Variants in NRXN1 observed in about 807,000 individuals in gnomAD.
NRXN1 encodes neurexin 1.
In NRXN1, 39 loss-of-function variants were observed where a neutral mutation model predicts 150.9. The ratio of observed to expected loss-of-function variants is 0.26; its 90% CI spans 0.20 to 0.34. The LOEUF (loss-of-function observed/expected upper bound fraction) is 0.34, where lower values mean the gene tolerates loss of function less well. Among genes scored for constraint, NRXN1 ranks in the 10% least tolerant of loss-of-function variants. The probability of loss-of-function intolerance (pLI) is 1.00; values close to 1 mark genes in which losing one functional copy is unlikely to be tolerated. For missense variants in NRXN1, 1,815 were observed against 1,949.9 expected, an observed-to-expected ratio of 0.93 and a Z score of 1.30; for synonymous variants, 924 against 757.0, an observed-to-expected ratio of 1.22 and a Z score of -3.62.
chr2:50,312,615 T>C (rs2075270762), intron 17 of NRXN1: 1 of 447,406 alleles, frequency 2.2e-6, no homozygotes. Context: ...GCTCTCATCC[T>C]ACACACATGT....
At chr2:50,795,690 T>TCTC (rs1706723899) in intron 5 of NRXN1, among the ~76,000 whole-genome samples, 2 of 152,128 alleles carry the variant, frequency 1.3e-5, no homozygotes, top group African/African-American at 4.8e-5. Context: ...GATACACAAT[T>TCTC]CTCCTCCATG....
rs371101414 is a variant in NRXN1, at chr2:50,480,529, G to T, written c.3071-8058C>A. The stretch of plus-strand genomic sequence containing the variant: ...AGAAAGACATGCATTTATTTGCTGT[G>T]TGTGTCTGTAGAACACAGAGAAGCT... On this transcript the variant is annotated intron_variant, in intron 15 of 22. Transcript: ENST00000401669. Among the ~76,000 whole-genome samples the T allele has an allele frequency of 1.2e-4, 19 of 152,254 alleles. No individual in the cohort carries two copies. The South Asian group carries it at 3.1e-3, about 25-fold the overall frequency.
chr2:50,851,442 A>G (rs1266994514), intron 5 of NRXN1, among the ~76,000 whole-genome samples: 1 of 151,960 alleles, frequency 6.6e-6, no homozygotes, highest in Non-Finnish European at 1.5e-5. Context: ...TAACCCCTGG[A>G]GTAAGTGGGG....
chr2:49,974,887 A>C (rs1325264754), intron 21 of NRXN1, among the ~76,000 whole-genome samples: 1 of 151,930 alleles, frequency 6.6e-6, no homozygotes, highest in East Asian at 1.9e-4. Context: ...CCAAAGCCTG[A>C]AGAACAAATG....
chr2:50,990,455 T>A (rs1698380476), intron 2 of NRXN1, among the ~76,000 whole-genome samples: 1 of 152,032 alleles, frequency 6.6e-6, no homozygotes, highest in Admixed American at 6.6e-5. Flanking sequence ...AGACTATGCA[T>A]AGTTAACAGT....
chr2:50,929,639 A>T (rs562668044), intron 2 of NRXN1, among the ~76,000 whole-genome samples: 82 of 152,200 alleles, frequency 5.4e-4, no homozygotes, highest in African/African-American at 1.9e-3. Context: ...TGGTGGTGGT[A>T]ACAGGCAGTG....
At chr2:50,132,994 T>C (rs1198195498) in intron 18 of NRXN1, among the ~76,000 whole-genome samples, 2 of 152,124 alleles carry the variant, frequency 1.3e-5, no homozygotes, top group Non-Finnish European at 2.9e-5. Flanking sequence ...AACATTATAC[T>C]TCGTTTGGGT....
At chr2:50,864,827 T>C (rs990891511) in intron 5 of NRXN1, among the ~76,000 whole-genome samples, 2 of 151,978 alleles carry the variant, frequency 1.3e-5, no homozygotes, top group African/African-American at 4.8e-5. Flanking sequence ...GGTTTTCAGG[T>C]ATCAAGAAGC....
chr2:50,131,315 C>A (rs1705458228), intron 18 of NRXN1, among the ~76,000 whole-genome samples: 1 of 152,092 alleles, frequency 6.6e-6, no homozygotes, highest in African/African-American at 2.4e-5. Flanking sequence ...GTTTGAATAC[C>A]ATTGATAAAA....
chr2:50,247,670 A>G (rs1345761722), intron 17 of NRXN1, among the ~76,000 whole-genome samples: 2 of 152,170 alleles, frequency 1.3e-5, no homozygotes, highest in African/African-American at 4.8e-5. Flanking sequence ...AGGGCAGGAA[A>G]CAGAGAAAGA....
intron 21 of NRXN1, chr2:50,023,425 G>C (rs1246205721): frequency 6.6e-6 from 1 of 151,958 alleles, no homozygotes; most frequent in East Asian, 1.9e-4. Flanking sequence ...TAAGAGCCTG[G>C]TGTCATTTTT....
At chr2:50,751,480 C>T (rs1185858416) in intron 5 of NRXN1, among the ~76,000 whole-genome samples, 2 of 151,974 alleles carry the variant, frequency 1.3e-5, no homozygotes, top group Non-Finnish European at 2.9e-5. Flanking sequence ...GAAGGTATAA[C>T]TGCTTTGCAT....
At chr2:50,095,993 G>A (rs1700175818) in intron 18 of NRXN1, among the ~76,000 whole-genome samples, 1 of 135,198 alleles carries the variant, frequency 7.4e-6, no homozygotes. Context: ...GTGTCCAAGT[G>A]TTCTCATATC....
At chr2:50,027,642 G>C (rs1451376210) in intron 21 of NRXN1, among the ~76,000 whole-genome samples, 1 of 152,064 alleles carries the variant, frequency 6.6e-6, no homozygotes, top group Non-Finnish European at 1.5e-5. Context: ...GGGTTTCCCA[G>C]CTTGGCCTTG....
At chr2:50,460,333 G>T (rs190233970) in intron 17 of NRXN1, among the ~76,000 whole-genome samples, 2 of 152,034 alleles carry the variant, frequency 1.3e-5, no homozygotes, top group Non-Finnish European at 2.9e-5. Context: ...CTTCCTTTTT[G>T]ATTTCTAGGG....
chr2:50,323,636 T>C (rs2076195054), intron 17 of NRXN1, among the ~76,000 whole-genome samples: 1 of 151,760 alleles, frequency 6.6e-6, no homozygotes. Flanking sequence ...GTGAAGTCAA[T>C]ACTCTGACCT....
intron 2 of NRXN1, among the ~76,000 whole-genome samples, chr2:50,999,503 G>A (rs1182918008): frequency 6.6e-6 from 1 of 152,014 alleles, no homozygotes; most frequent in African/African-American, 2.4e-5. Flanking sequence ...CTCCCCCATA[G>A]TTCCTCTTTT....
At chr2:50,617,397 C>T (rs1205743102) in intron 8 of NRXN1, among the ~76,000 whole-genome samples, 1 of 151,292 alleles carries the variant, frequency 6.6e-6, no homozygotes, top group Non-Finnish European at 1.5e-5. Context: ...GATCATGCCA[C>T]TACACTCCCC....
At chr2:50,387,139 T>C (rs902312197) in intron 17 of NRXN1, among the ~76,000 whole-genome samples, 1 of 152,122 alleles carries the variant, frequency 6.6e-6, no homozygotes, top group Non-Finnish European at 1.5e-5. Context: ...CTTTTATCCA[T>C]GAATATACAA....
Sources: allele counts gnomAD v4.1 joint callset (sites outside exome capture counted in the v4.1 genomes callset), GRCh38; gene constraint gnomAD v4.1.1; transcripts MANE v1.5; gene names NCBI Gene and HGNC (gene_info 2026-07-23, HGNC 2026-07-21).